The following C9orf152 variants were observed in gnomAD, a reference collection of about 807,000 sequenced individuals.
C9orf152 encodes chromosome 9 open reading frame 152, also known as uncharacterized protein C9orf152.
C9orf152 carries 8 observed loss-of-function variants against 8.5 expected under a neutral mutation model. The ratio of observed to expected loss-of-function variants is 0.94; its 90% confidence interval spans 0.55 to 1.70. The LOEUF (loss-of-function observed/expected upper bound fraction) is 1.70, where lower values mean the gene tolerates loss of function less well. C9orf152 is among the 40% of genes most tolerant of loss of function. The pLI is 0.00. For synonymous variants in C9orf152, 109 were observed against 113.0 expected (o/e 0.96, Z 0.22); for missense variants, 293 against 286.2 (o/e 1.02, Z -0.17).
chr9:110,202,589 G>A, intron 1 of C9orf152, among the ~76,000 whole-genome samples: 1 of 152,080 alleles, frequency 6.6e-6, no homozygotes, highest in East Asian at 1.9e-4. Flanking sequence ...CTTTCTTGGG[G>A]ACTTTTTTTT....
chr9:110,206,363 T>A (rs116654117), intron 1 of C9orf152, among the ~76,000 whole-genome samples: 63 of 152,330 alleles, frequency 4.1e-4, no homozygotes, highest in African/African-American at 1.5e-3. Flanking sequence ...GTGTTTCCAT[T>A]TGATAGGGAT....
chr9:110,204,103 G>A (rs1005557420), intron 1 of C9orf152, among the ~76,000 whole-genome samples: 2 of 152,184 alleles, frequency 1.3e-5, no homozygotes, highest in African/African-American at 4.8e-5. Context: ...TCAATGAAAT[G>A]TAATATAAAA....
At chr9:110,204,708 A>G (rs564283881) in intron 1 of C9orf152, among the ~76,000 whole-genome samples, 12 of 152,200 alleles carry the variant, frequency 7.9e-5, no homozygotes, top group East Asian at 1.9e-4. Flanking sequence ...TGTGGAACCA[A>G]TCTCCAGAAT....
Position 110,201,475 on chromosome 9 carries a change from C to T in C9orf152, c.194-1G>A, listed in dbSNP as rs1215838122. ...TCTGCAGGAGCAGGTGTGTTTCCTC[C>T]TGAAAAGAGAATGCACCAGCAGGGT... On this transcript the variant is annotated splice_acceptor_variant, in intron 1 of 1. Transcript: ENST00000400613. LOFTEE classifies it high-confidence loss of function. 1 of 1,504,914 alleles carries T rather than the reference C, an allele frequency of 6.6e-7. No individual in the cohort carries two copies. Among genetic ancestry groups the T allele is most frequent in the Non-Finnish European group, 8.8e-7 (1 of 1,135,408 alleles). The allele number at this position is 1,504,914 out of a possible 1,614,324, so 93.2% of individuals were successfully genotyped here. A position where few individuals can be genotyped will look rare whatever the true frequency, so the allele number is the denominator to read the frequency against.
At chr9:110,203,171 G>A (rs1360819864) in intron 1 of C9orf152, among the ~76,000 whole-genome samples, 2 of 151,912 alleles carry the variant, frequency 1.3e-5, no homozygotes, top group East Asian at 1.9e-4. Context: ...ATAGGTGCCA[G>A]CCACCACGCC....
At chr9:110,206,273 T>A (rs1465156339) in intron 1 of C9orf152, among the ~76,000 whole-genome samples, 1 of 151,870 alleles carries the variant, frequency 6.6e-6, no homozygotes, top group Non-Finnish European at 1.5e-5. Context: ...TCTGGGGGCA[T>A]GTTGAATTTG....
Position 110,200,902 on chromosome 9 carries a change from G to C in C9orf152, c.*46C>G, listed in dbSNP as rs1315391916. 1 of 1,544,152 alleles carries C rather than the reference G, an allele frequency of 6.5e-7. No homozygotes were observed. Among genetic ancestry groups the C allele is most frequent in the Admixed American group, 2.0e-5 (1 of 49,624 alleles). ...TCTGCCTCCTTGGTTCTTCTATAAG[G>C]CCATAGGTGGCCTCAAGGTCAAGAC... On this transcript the variant is annotated 3_prime_UTR_variant, in exon 2 of 2. Transcript: ENST00000400613.
In C9orf152 at chr9:110,200,108, A is replaced by C. The variant is rs1381085488; in HGVS notation, c.*840T>G. ...TAATAAGAACTTAATTTGCAGAGAG[A>C]GAGAGAGAGAAAAGATAGGCAGGAA... On this transcript the variant is annotated 3_prime_UTR_variant, in exon 2 of 2. Transcript: ENST00000400613. 1 of 150,190 alleles carries C rather than the reference A, an allele frequency of 6.7e-6. No homozygotes were observed. Among genetic ancestry groups the C allele is most frequent in the Non-Finnish European group, 1.5e-5 (1 of 67,506 alleles). 9.3% of individuals were successfully genotyped at this position (150,190 alleles called of 1,614,324 possible). A position where few individuals can be genotyped will look rare whatever the true frequency, so the allele number is the denominator to read the frequency against.
chr9:110,200,210 CAGAAGGAAGGAA>C lies in C9orf152; in HGVS notation c.*726_*737del, dbSNP rs771292626. The C allele has an allele frequency of 4.3e-5, 1 of 23,310 alleles. No homozygotes were observed. The highest frequency in any genetic ancestry group is 1.3e-3 in the East Asian group (1 of 798). The allele number at this position is 23,310 out of a possible 1,614,324, so 1.4% of individuals were successfully genotyped here. On this transcript the variant is annotated 3_prime_UTR_variant, in exon 2 of 2. Coordinates refer to ENST00000400613, the MANE Select transcript of C9orf152 (RefSeq NM_001012993.3). ...AGGAAGGGAGGGAGGGAGGGAGAGA[CAGAAGGAAGGAA>C]GGAAGGAAGGAAGGAAGGAAGGAAG... is the stretch of plus-strand genomic sequence containing the variant.
In C9orf152 at chr9:110,207,603, A is replaced by T; in HGVS notation, c.-24T>A. On this transcript the variant is annotated 5_prime_UTR_variant, in exon 1 of 2. Transcript: ENST00000400613. ...ATCCGGATCCGGGAGAAAAGCAAACACAGCTGGGTGGGGCAGGACCTGGGG... is the reference window on the plus strand; with the variant it reads ...ATCCGGATCCGGGAGAAAAGCAAACTCAGCTGGGTGGGGCAGGACCTGGGG... 7.4e-7 allele frequency: 1 copy of T among 1,356,800 alleles called. No individual in the cohort carries two copies. The highest frequency in any genetic ancestry group is 9.8e-7 in the Non-Finnish European group (1 of 1,017,848). 84.0% of individuals were successfully genotyped at this position (1,356,800 alleles called of 1,614,324 possible). A position where few individuals can be genotyped will look rare whatever the true frequency, so the allele number is the denominator to read the frequency against.
chr9:110,206,703 C>G, intron 1 of C9orf152, among the ~76,000 whole-genome samples: 1 of 152,224 alleles, frequency 6.6e-6, no homozygotes, highest in Non-Finnish European at 1.5e-5. Context: ...CAAATAACCA[C>G]AGAATCCCAC....
Position 110,201,280 on chromosome 9 carries a change from A to T in C9orf152, c.388T>A (p.Ser130Thr), listed in dbSNP as rs1405218606. 6.2e-7 allele frequency: 1 copy of T among 1,613,764 alleles called. No individual in the cohort carries two copies. Among genetic ancestry groups the T allele is most frequent in the East Asian group, 2.2e-5 (1 of 44,836 alleles). ...HLEMHCLVQTSPQDTSHQVHH... is the reference protein window; with the variant it reads ...HLEMHCLVQTTPQDTSHQVHH... ...ACTTGATGACTGGTGTCCTGGGGGG[A>T]GGTTTGGACCAAACAATGCATCTCC... The change falls in exon 2 of 2, where the codon TCC becomes ACC. Residue 130 changes from serine to threonine, a missense_variant. By Grantham distance (58) the Ser-to-Thr change is moderately conservative. Transcript: ENST00000400613.
chr9:110,205,474 T>A (rs1259954546), intron 1 of C9orf152, among the ~76,000 whole-genome samples: 1 of 152,214 alleles, frequency 6.6e-6, no homozygotes, highest in East Asian at 1.9e-4. Context: ...GTGGCCTTCC[T>A]ACTTAGATAC....
chr9:110,205,891 T>C (rs1472454652), intron 1 of C9orf152, among the ~76,000 whole-genome samples: 1 of 151,580 alleles, frequency 6.6e-6, no homozygotes, highest in Non-Finnish European at 1.5e-5. Context: ...CCATCTCTAC[T>C]AAAAAAAATA....
rs1837207556 is a variant in C9orf152, at chr9:110,200,871, T to TCTGCAGAGCCAAG, written c.*76_*77insCTTGGCTCTGCAG. On this transcript the variant is annotated 3_prime_UTR_variant, in exon 2 of 2. Coordinates refer to ENST00000400613, the MANE Select transcript of C9orf152 (RefSeq NM_001012993.3). The stretch of plus-strand genomic sequence containing the variant: ...TCTTGCTCATAGCTAGAGACCTCGT[T>TCTGCAGAGCCAAG]GTGGCTCTGCCTCCTTGGTTCTTCT... 1.4e-6 allele frequency: 2 copies of TCTGCAGAGCCAAG among 1,427,984 alleles called. No homozygotes were observed. The highest frequency in any genetic ancestry group is 1.9e-6 in the Non-Finnish European group (2 of 1,054,354). The allele number at this position is 1,427,984 out of a possible 1,614,324, so 88.5% of individuals were successfully genotyped here. A position where few individuals can be genotyped will look rare whatever the true frequency, so the allele number is the denominator to read the frequency against.
rs148811022 is a variant in C9orf152 at position 110,207,453 on chromosome 9, G to A, written c.127C>T (p.Arg43Ter). Residue 43 changes from arginine (R) to a stop codon, truncating the protein, a stop_gained, in exon 1 of 2, where the codon CGA (arginine) becomes TGA (stop). Coordinates refer to ENST00000400613, the MANE Select transcript of C9orf152 (RefSeq NM_001012993.3). LOFTEE classifies it high-confidence loss of function. ...CTCTTCAAGCCTTCATACTGGGCTC[G>A]CAGGAACTGGATGCTGAGTGGGGGC... ...KGPPLSIQFL[R>*]AQYEGLKRQQ... 4.5e-4 allele frequency: 730 copies of A among 1,613,110 alleles called. No homozygotes were observed. The highest frequency in any genetic ancestry group is 6.0e-4 in the Non-Finnish European group (704 of 1,179,634).
At position 110,207,542 on chromosome 9, in the gene C9orf152, T is replaced by G; in HGVS notation, c.38A>C (p.His13Pro). Residue 13 changes from histidine to proline, a missense_variant, in exon 1 of 2, where the codon CAC becomes CCC. Coordinates refer to ENST00000400613, the MANE Select transcript of C9orf152 (RefSeq NM_001012993.3). ...TAAGTGAGACCTAAGCTGCCAGAAG[T>G]GGGGCAGGGCTGGGCACGGGCAGGG... ...GLPCPCPALP[H>P]FWQLRSHLMA... 6.2e-7 allele frequency: 1 copy of G among 1,602,040 alleles called. No homozygotes were observed.
intron 1 of C9orf152, among the ~76,000 whole-genome samples, chr9:110,201,967 C>T (rs1195239835): frequency 6.6e-6 from 1 of 152,096 alleles, no homozygotes; most frequent in Non-Finnish European, 1.5e-5. Flanking sequence ...AAAAGAAAGG[C>T]AAGGAACAAG....
At chr9:110,203,358 A>G (rs1416971673) in intron 1 of C9orf152, among the ~76,000 whole-genome samples, 1 of 152,180 alleles carries the variant, frequency 6.6e-6, no homozygotes, top group Non-Finnish European at 1.5e-5. Flanking sequence ...CATGTTATGT[A>G]CTTATTTGAG....
Sources: allele counts gnomAD v4.1 joint callset (sites outside exome capture counted in the v4.1 genomes callset), GRCh38; gene constraint gnomAD v4.1.1; transcripts MANE v1.5; gene names NCBI Gene and HGNC (gene_info 2026-07-23, HGNC 2026-07-21).